The following TGFBR2 variants were observed in gnomAD, a reference collection of about 807,000 sequenced individuals.
The protein encoded by TGFBR2 is transforming growth factor beta receptor 2, also known as TGF-beta receptor type-2.
Under a neutral mutation model 49.0 loss-of-function variants are expected in TGFBR2, and 18 were observed. The observed-to-expected ratio is 0.37, with a 90% CI of 0.25 to 0.54. The LOEUF (loss-of-function observed/expected upper bound fraction) is 0.54. Ranked by LOEUF, TGFBR2 falls within the 20% of genes least tolerant of loss-of-function variation. TGFBR2 has a pLI of 0.85. For synonymous variants in TGFBR2, 282 were observed against 275.9 expected, an observed-to-expected ratio of 1.02 and a Z score of -0.22; for missense variants, 525 against 722.6, an observed-to-expected ratio of 0.73 and a Z score of 3.13.
intron 1 of TGFBR2, among the ~76,000 whole-genome samples, chr3:30,625,608 C>T (rs1415151537): frequency 2.0e-5 from 3 of 152,124 alleles, no homozygotes; most frequent in East Asian, 3.8e-4. Flanking sequence ...AAAATCCACA[C>T]TTAAAAATTA....
chr3:30,685,722 G>T (rs887813640), intron 5 of TGFBR2, among the ~76,000 whole-genome samples: 20 of 152,148 alleles, frequency 1.3e-4, no homozygotes, highest in African/African-American at 4.8e-4. Context: ...TCTAGGATAG[G>T]CAACTCCCAT....
chr3:30,642,101 C>T (rs989870646), intron 1 of TGFBR2, among the ~76,000 whole-genome samples: 4 of 152,160 alleles, frequency 2.6e-5, no homozygotes, highest in Non-Finnish European at 5.9e-5. Context: ...TCTTATCTAT[C>T]GCTGCTCACT....
At chr3:30,650,633 T>C (rs1343260218) in intron 3 of TGFBR2, among the ~76,000 whole-genome samples, 173 bp downstream of exon 3, 1 of 152,164 alleles carries the variant, frequency 6.6e-6, no homozygotes, top group Non-Finnish European at 1.5e-5. Flanking sequence ...TTTGTTCTGG[T>C]TCTCATCAAA....
intron 1 of TGFBR2, among the ~76,000 whole-genome samples, chr3:30,629,890 G>A (rs762310021): frequency 6.6e-6 from 1 of 152,162 alleles, no homozygotes; most frequent in Non-Finnish European, 1.5e-5. Flanking sequence ...AGCAGTAATT[G>A]GTATGAAATC....
chr3:30,686,590 C>T (rs972565162), intron 5 of TGFBR2, among the ~76,000 whole-genome samples: 2 of 152,202 alleles, frequency 1.3e-5, no homozygotes, highest in Middle Eastern at 3.2e-3. Context: ...CAAGCCGTCC[C>T]TTTTCAAAAT....
intron 5 of TGFBR2, among the ~76,000 whole-genome samples, chr3:30,686,929 C>T (rs1575164503): frequency 6.6e-6 from 1 of 152,174 alleles, no homozygotes; most frequent in Non-Finnish European, 1.5e-5. Flanking sequence ...CATTCATTCA[C>T]TCACTCAACA....
chr3:30,670,389 A>G (rs6798898), intron 3 of TGFBR2, among the ~76,000 whole-genome samples: 6,845 of 152,304 alleles, frequency 0.045, 386 homozygotes, highest in African/African-American at 0.13. Flanking sequence ...GGGCAGTGCC[A>G]TGCCCATCAT....
At chr3:30,651,566 CT>C (rs570969282) in intron 3 of TGFBR2, among the ~76,000 whole-genome samples, 28 of 152,298 alleles carry the variant, frequency 1.8e-4, no homozygotes, top group African/African-American at 6.3e-4. Flanking sequence ...TTAATTTAGT[CT>C]CGAATTTCAT....
At chr3:30,620,634 C>G (rs1032414885) in intron 1 of TGFBR2, among the ~76,000 whole-genome samples, 3 of 152,008 alleles carry the variant, frequency 2.0e-5, no homozygotes, top group African/African-American at 7.3e-5. Context: ...TTCATTTATT[C>G]TCTCATGTGT....
chr3:30,649,200 A>C (rs1381958206), intron 2 of TGFBR2, among the ~76,000 whole-genome samples: 1 of 152,172 alleles, frequency 6.6e-6, no homozygotes, highest in Non-Finnish European at 1.5e-5. Context: ...GCGATTCAAG[A>C]CAACAGGTAT....
rs781018006 is a variant in TGFBR2 at position 30,672,150 on chromosome 3, C to G, written c.967C>G (p.Leu323Val). ...GACGGAGTTGGGGAAACAATACTGGCTGATCACCGCCTTCCACGCCAAGGG... is the reference window on the plus strand; with the variant it reads ...GACGGAGTTGGGGAAACAATACTGGGTGATCACCGCCTTCCACGCCAAGGG... ...RKTELGKQYW[L>V]ITAFHAKGNL... The change falls in exon 4 of 7, where the codon CTG becomes GTG. Residue 323 changes from leucine (L) to valine (V), a missense_variant. By Grantham distance (32) the Leu-to-Val change is conservative (BLOSUM62 1). Around this residue, in one of 3 missense-constraint regions of TGFBR2, gnomAD observed 376 missense variants for 478.2 expected, o/e 0.79. Transcript: ENST00000295754. This position sits in a 1 kb window ranked among gnomAD's most constrained non-coding sequence, Gnocchi z 4.5. 5.6e-6 allele frequency: 9 copies of G among 1,614,184 alleles called. No homozygotes were observed. The highest frequency in any genetic ancestry group is 7.6e-6 in the Non-Finnish European group (9 of 1,180,014).
intron 1 of TGFBR2, among the ~76,000 whole-genome samples, chr3:30,628,178 C>G (rs1442997412): frequency 6.9e-6 from 1 of 145,622 alleles, no homozygotes; most frequent in Non-Finnish European, 1.5e-5. Context: ...AAAAATAGTA[C>G]TGCCTTGTGG....
intron 1 of TGFBR2, among the ~76,000 whole-genome samples, chr3:30,630,430 C>G (rs1267634463): frequency 1.3e-5 from 2 of 152,186 alleles, no homozygotes; most frequent in Non-Finnish European, 2.9e-5. Context: ...TTTCAGCACA[C>G]AAATGTGGTC....
rs752099306 is a variant in TGFBR2 at position 30,691,534 on chromosome 3, C to G, written c.1639C>G (p.Leu547Val). ...CAGTGAGCTGGAGCATCTGGACAGG[C>G]TCTCGGGGAGGAGCTGCTCGGAGGA... ...RFSELEHLDR[L>V]SGRSCSEEKI... The change falls in exon 7 of 7, where the codon CTC becomes GTC. Residue 547 changes from leucine to valine, a missense_variant. Physicochemically the swap from Leu to Val is conservative, Grantham distance 32. Coordinates refer to ENST00000295754, the MANE Select transcript of TGFBR2 (RefSeq NM_003242.6). 6.2e-7 allele frequency: 1 copy of G among 1,614,150 alleles called. No individual in the cohort carries two copies.
At position 30,635,823 on chromosome 3, in the gene TGFBR2, C is replaced by G. The variant is rs115758011; in HGVS notation, c.95-8924C>G. Among the ~76,000 whole-genome samples the G allele has an allele frequency of 2.5e-3, 388 of 152,248 alleles. 2 individuals carry two copies. The highest frequency in any genetic ancestry group is 8.9e-3 in the African/African-American group (370 of 41,552). On this transcript the variant is annotated intron_variant, in intron 1 of 6. Transcript: ENST00000295754. ...CATGAGCCAAAATGCTAGTGAAACT[C>G]AAACCTACAAAGCTAAATTCCCTCA...
intron 3 of TGFBR2, among the ~76,000 whole-genome samples, chr3:30,656,951 T>C (rs1699012151): frequency 6.6e-6 from 1 of 152,228 alleles, no homozygotes; most frequent in Admixed American, 6.5e-5. Flanking sequence ...TGTGTGCACC[T>C]GTGCTAACTA....
intron 1 of TGFBR2, among the ~76,000 whole-genome samples, chr3:30,638,256 T>TAA (rs561460593): frequency 6.8e-4 from 104 of 152,372 alleles, no homozygotes; most frequent in Middle Eastern, 6.8e-3. Context: ...GTAGAATACT[T>TAA]ACTATTTAAA....
chr3:30,612,928 T>C (rs1412125410), intron 1 of TGFBR2, among the ~76,000 whole-genome samples: 3 of 152,166 alleles, frequency 2.0e-5, no homozygotes, highest in African/African-American at 4.8e-5. Context: ...TTTCTAGGTC[T>C]TAGCACCCAA....
At position 30,628,738 on chromosome 3, in the gene TGFBR2, T is replaced by C. The variant is rs552781942; in HGVS notation, c.95-16009T>C. Among the ~76,000 whole-genome samples, 5 of 152,044 alleles carry C rather than the reference T, an allele frequency of 3.3e-5. No individual in the cohort carries two copies. In the East Asian group the frequency reaches 5.8e-4, roughly 18 times the overall value. On this transcript the variant is annotated intron_variant, in intron 1 of 6. Transcript: ENST00000295754. ...GCTCAGGGATTTGCATTTTGAGAGG[T>C]TGTGCCAGCTGACATGAGCCTTTAC...
Sources: allele counts gnomAD v4.1 joint callset (sites outside exome capture counted in the v4.1 genomes callset), GRCh38; gene constraint gnomAD v4.1.1; regional missense constraint gnomAD v4.1.1; non-coding constraint Gnocchi (gnomAD v3.1); transcripts MANE v1.5; gene names NCBI Gene and HGNC (gene_info 2026-07-23, HGNC 2026-07-21).